SV2C: variants seen among roughly 807,000 people sequenced by gnomAD.
SV2C encodes synaptic vesicle glycoprotein 2C, also known as solute carrier family 22 member B3.
Under a neutral mutation model 79.7 loss-of-function variants are expected in SV2C, and 49 were observed. The observed-to-expected ratio is 0.61, with a 90% CI of 0.49 to 0.78. The LOEUF is 0.78. SV2C is among the 30% of genes least tolerant of loss of function. The pLI, the probability that SV2C is intolerant of heterozygous loss-of-function variation, is 0.00. For synonymous variants in SV2C, 334 were observed against 333.2 expected (o/e 1.00, Z -0.03); for missense variants, 833 against 912.9 (o/e 0.91, Z 1.13).
chr5:75,936,564 A>G, the SV2C span, among the ~76,000 whole-genome samples: 91,812 of 151,982 alleles, frequency 0.6, 29,278 homozygotes, highest in African/African-American at 0.82. Flanking sequence ...AAGTTTGTGG[A>G]CAGTGACATA....
At chr5:75,942,454 C>T in the SV2C span, among the ~76,000 whole-genome samples, 14 of 152,160 alleles carry the variant, frequency 9.2e-5, no homozygotes, top group African/African-American at 3.4e-4. Flanking sequence ...GAGACAGAAA[C>T]TGGGATGAGC....
At chr5:75,918,643 A>G in the SV2C span, among the ~76,000 whole-genome samples, 1 of 152,230 alleles carries the variant, frequency 6.6e-6, no homozygotes, top group African/African-American at 2.4e-5. Flanking sequence ...TTCTTTGCAC[A>G]TCATCCACCA....
intron 2 of SV2C, among the ~76,000 whole-genome samples, chr5:76,137,448 G>A (rs904095766): frequency 6.6e-6 from 1 of 152,170 alleles, no homozygotes; most frequent in African/African-American, 2.4e-5. Flanking sequence ...GAGCAGATGG[G>A]GAGGCTGATG....
the SV2C span, among the ~76,000 whole-genome samples, chr5:76,001,957 CA>C: frequency 6.6e-6 from 1 of 151,988 alleles, no homozygotes; most frequent in African/African-American, 2.4e-5. Flanking sequence ...CCCCTCCCAC[CA>C]TTCCCCCTGA....
intron 8 of SV2C, among the ~76,000 whole-genome samples, chr5:76,292,195 C>T (rs767644270): frequency 3.9e-5 from 6 of 152,124 alleles, no homozygotes; most frequent in Non-Finnish European, 5.9e-5. Context: ...GTTCCCATCT[C>T]GGGCCTTTGC....
At position 76,288,295 on chromosome 5, in the gene SV2C, T is replaced by A. The variant is rs560529294; in HGVS notation, c.1137+2425T>A. Among the ~76,000 whole-genome samples, 27 of 152,308 alleles carry A rather than the reference T, an allele frequency of 1.8e-4. No homozygotes were observed. In the South Asian group the frequency reaches 5.2e-3, roughly 29 times the overall value. ...AATTTCATTTTATTTAGGAAATGAA[T>A]TTTTCATACTGTAAAGATAAACTGC... On this transcript the variant is annotated intron_variant, in intron 6 of 12. Transcript: ENST00000502798.
the SV2C span, among the ~76,000 whole-genome samples, chr5:75,916,198 C>A: frequency 3.9e-4 from 59 of 152,096 alleles, no homozygotes; most frequent in African/African-American, 1.4e-3. Context: ...TTCTTCTCCT[C>A]CTCTTCCTCC....
the SV2C span, among the ~76,000 whole-genome samples, chr5:75,858,437 A>G: frequency 5.3e-5 from 8 of 152,324 alleles, no homozygotes; most frequent in African/African-American, 1.7e-4. Flanking sequence ...CCATCCTTGC[A>G]TCCCAGGGAT....
chr5:76,316,521 AT>A (rs1748624562), intron 12 of SV2C, among the ~76,000 whole-genome samples: 1 of 152,206 alleles, frequency 6.6e-6, no homozygotes, highest in Non-Finnish European at 1.5e-5. Context: ...GGGCATGGTT[AT>A]ACGTGCACTT....
At chr5:75,907,317 G>A in the SV2C span, among the ~76,000 whole-genome samples, 2 of 152,134 alleles carry the variant, frequency 1.3e-5, no homozygotes, top group East Asian at 3.9e-4. Context: ...CTTGATCATG[G>A]CTCACCTCCA....
the SV2C span, among the ~76,000 whole-genome samples, chr5:76,036,523 T>A: frequency 6.6e-6 from 1 of 152,156 alleles, no homozygotes; most frequent in Non-Finnish European, 1.5e-5. Context: ...TGGCTGGATA[T>A]GAAATTCTGG....
chr5:75,935,714 C>T, the SV2C span, among the ~76,000 whole-genome samples: 1 of 152,048 alleles, frequency 6.6e-6, no homozygotes, highest in South Asian at 2.1e-4. Flanking sequence ...TTAAGAAGTA[C>T]GTAACATTCA....
the SV2C span, among the ~76,000 whole-genome samples, chr5:75,901,189 C>G: frequency 0.017 from 2,517 of 152,276 alleles, 36 homozygotes; most frequent in African/African-American, 0.043. Context: ...AGTTTTTCTG[C>G]TCTGTTTTTT....
intron 12 of SV2C, among the ~76,000 whole-genome samples, chr5:76,349,060 A>G (rs973541509): frequency 2.6e-5 from 4 of 152,166 alleles, no homozygotes; most frequent in African/African-American, 4.8e-5. Context: ...TCCATACTCT[A>G]TCATGTCTAA....
intron 7 of SV2C, 89 bp downstream of exon 7, chr5:76,291,420 G>A: frequency 8.4e-6 from 9 of 1,071,852 alleles, no homozygotes; most frequent in Non-Finnish European, 9.4e-6. Flanking sequence ...TGCCCTATGA[G>A]CGAGGTTCTT....
the SV2C span, among the ~76,000 whole-genome samples, chr5:75,974,705 C>T: frequency 6.6e-6 from 1 of 152,140 alleles, no homozygotes; most frequent in South Asian, 2.1e-4. Flanking sequence ...AACAGATTAC[C>T]TGTTAGATTT....
intron 2 of SV2C, among the ~76,000 whole-genome samples, chr5:76,162,246 C>G (rs16873237): frequency 0.012 from 1,867 of 152,258 alleles, 41 homozygotes; most frequent in African/African-American, 0.043. Flanking sequence ...CTCTTTAGCC[C>G]TAGTACACTC....
the SV2C span, among the ~76,000 whole-genome samples, chr5:75,962,907 A>G: frequency 6.6e-6 from 1 of 152,304 alleles, no homozygotes; most frequent in Non-Finnish European, 1.5e-5. Context: ...GAAGCAATAT[A>G]AAAACTGTTT....
At chr5:76,010,735 A>C in the SV2C span, among the ~76,000 whole-genome samples, 2 of 152,162 alleles carry the variant, frequency 1.3e-5, no homozygotes, top group Admixed American at 1.3e-4. Flanking sequence ...AGGTGTTCTG[A>C]AGGAAAAAAG....
Sources: allele counts gnomAD v4.1 joint callset (sites outside exome capture counted in the v4.1 genomes callset), GRCh38; gene constraint gnomAD v4.1.1; transcripts MANE v1.5; gene names NCBI Gene and HGNC (gene_info 2026-07-23, HGNC 2026-07-21).